The following COG8 variants were observed in gnomAD, a reference collection of about 807,000 sequenced individuals.
The protein encoded by COG8 is conserved oligomeric Golgi complex subunit 8.
COG8 carries 45 observed loss-of-function variants against 46.5 expected under a neutral mutation model. The observed-to-expected ratio is 0.97, with a 90% CI of 0.76 to 1.24. The LOEUF (loss-of-function observed/expected upper bound fraction) is 1.24, where lower values mean the gene tolerates loss of function less well. Among genes scored for constraint, COG8 ranks in the 50% most tolerant of loss-of-function variants. COG8 has a pLI of 0.00. For missense variants in COG8, 793 were observed against 820.8 expected (o/e 0.97, Z 0.41); for synonymous variants, 407 against 347.8 (o/e 1.17, Z -1.90).
chr16:69,333,255 C>T (rs1033133053), intron 3 of COG8, among the ~76,000 whole-genome samples: 2 of 148,962 alleles, frequency 1.3e-5, no homozygotes, highest in Non-Finnish European at 3.0e-5. Flanking sequence ...TAGCTTCAAA[C>T]TCCTGGGCTC....
At position 69,335,322 on chromosome 16, in the gene COG8, G is replaced by A. The variant is rs2012148266; in HGVS notation, c.612C>T (p.Ser204=). ...IQGIVNEVRQ[S]MQLMLSQLIQ... is the part of the protein sequence containing the mutation. Reference sequence around the variant, plus strand: ...TCAGCTGGCTCAGCATCAGCTGCATGGACTGGCGCACTTCGTTCACGATGC... The same window carrying A: ...TCAGCTGGCTCAGCATCAGCTGCATAGACTGGCGCACTTCGTTCACGATGC... Residue 204 remains serine (S), a synonymous_variant, in exon 3 of 6, where the codon TCC becomes TCT. Coordinates refer to ENST00000306875, the MANE Select transcript of COG8 (RefSeq NM_032382.5). 4.4e-6 allele frequency: 7 copies of A among 1,606,170 alleles called. No individual in the cohort carries two copies. The highest frequency in any genetic ancestry group is 5.9e-6 in the Non-Finnish European group (7 of 1,178,466).
chr16:69,338,166 T>A (rs1028545880), intron 1 of COG8: 4 of 152,082 alleles, frequency 2.6e-5, no homozygotes, highest in African/African-American at 9.7e-5. Context: ...AGCCTCAATC[T>A]CCCGGGCCCA....
chr16:69,329,065 C>T lies in COG8; in HGVS notation c.*141G>A, dbSNP rs577894071. 3 of 1,612,096 alleles carry T rather than the reference C, an allele frequency of 1.9e-6. No homozygotes were observed. Among genetic ancestry groups the T allele is most frequent in the Middle Eastern group, 1.7e-4 (1 of 6,060 alleles). ...CCAATAGACGTTTGTGAACGTCCTGCTGTCCATTTTGTCAATAAACAGGCA... is the reference window on the plus strand; with the variant it reads ...CCAATAGACGTTTGTGAACGTCCTGTTGTCCATTTTGTCAATAAACAGGCA... On this transcript the variant is annotated 3_prime_UTR_variant, in exon 6 of 6. Coordinates refer to ENST00000306875, the MANE Select transcript of COG8 (RefSeq NM_032382.5).
chr16:69,330,325 C>T (rs780481092), intron 5 of COG8: 3 of 1,449,246 alleles, frequency 2.1e-6, no homozygotes, highest in East Asian at 3.0e-5. Context: ...GCGCCCGCTC[C>T]ACCGGGGCCG....
intron 5 of COG8, chr16:69,330,501 C>A: frequency 6.8e-7 from 1 of 1,472,940 alleles, no homozygotes; most frequent in Non-Finnish European, 8.9e-7. Context: ...ACACCGACGG[C>A]TGCCGCCCCG....
chr16:69,339,032 G>A, intron 1 of COG8, 144 bp downstream of exon 1: 1 of 1,101,214 alleles, frequency 9.1e-7, no homozygotes, highest in South Asian at 1.3e-5. Flanking sequence ...TATCTCGAAG[G>A]CTGTTGTGAG....
At position 69,335,144 on chromosome 16, in the gene COG8, T is replaced by C. The variant is rs752608770; in HGVS notation, c.790A>G (p.Asn264Asp). The change falls in exon 3 of 6, where the codon AAT becomes GAT. Residue 264 changes from asparagine to aspartate, a missense_variant. Physicochemically the swap from Asn to Asp is conservative, Grantham distance 23 (BLOSUM62 1). Transcript: ENST00000306875. ...GTAATATGGAAATAGGGATCATCAT[T>C]AGGAATGGCAGTCAGGATGGACCGG... ...WLRSILTAIPNDDPYFHITKT... is the reference protein window; with the variant it reads ...WLRSILTAIPDDDPYFHITKT... The C allele has an allele frequency of 1.9e-6, 3 of 1,614,110 alleles. No individual in the cohort carries two copies. Among genetic ancestry groups the C allele is most frequent in the Admixed American group, 3.3e-5 (2 of 60,016 alleles).
At chr16:69,338,372 A>G (rs1307861568) in intron 1 of COG8, 3 of 152,262 alleles carry the variant, frequency 2.0e-5, no homozygotes, top group East Asian at 1.9e-4. Context: ...ATCCAAATGG[A>G]GAGACTTTTT....
At chr16:69,336,394 C>T (rs2012206524) in intron 2 of COG8, 111 bp downstream of exon 2, 2 of 977,356 alleles carry the variant, frequency 2.0e-6, no homozygotes, top group East Asian at 2.5e-5. Context: ...ACCTGGCTGG[C>T]AGAAACTGAT....
chr16:69,329,255 C>G (rs960296633), intron 5 of COG8, 76 bp from the exon 6 acceptor site: 16 of 1,417,390 alleles, frequency 1.1e-5, no homozygotes, highest in Admixed American at 3.0e-5. Context: ...CCCCTGCCCC[C>G]GGTCCTGGCT....
At position 69,334,758 on chromosome 16, in the gene COG8, T is replaced by C; in HGVS notation, c.1176A>G (p.Glu392=). The change falls in exon 3 of 6, where the codon GAA becomes GAG. Residue 392 remains glutamate (E), a synonymous_variant. Coordinates refer to ENST00000306875, the MANE Select transcript of COG8 (RefSeq NM_032382.5). ...AGATGAGCATGTAGGAGTTCATTTCTTCCTGGAATTTCTCCACTGTTTCCT... is the reference window on the plus strand; with the variant it reads ...AGATGAGCATGTAGGAGTTCATTTCCTCCTGGAATTTCTCCACTGTTTCCT... The part of the protein sequence containing the change: ...AIQETVEKFQ[E]EMNSYMLISA... 1 of 1,614,136 alleles carries C rather than the reference T, an allele frequency of 6.2e-7. No homozygotes were observed. Among genetic ancestry groups the C allele is most frequent in the Non-Finnish European group, 8.5e-7 (1 of 1,180,046 alleles).
At position 69,326,994 on chromosome 16, in the gene COG8, A is replaced by G. The variant is rs1341446380; in HGVS notation, c.*2212T>C. On this transcript the variant is annotated 3_prime_UTR_variant, in exon 6 of 6. Coordinates refer to ENST00000306875, the MANE Select transcript of COG8 (RefSeq NM_032382.5). ...AGAAAGCTATAAGAAGCATCAAAAG[A>G]TTGCCATAGCCCCCTGTAAGAGCTT... 3 of 152,116 alleles carry G rather than the reference A, an allele frequency of 2.0e-5. No individual in the cohort carries two copies. The highest frequency in any genetic ancestry group is 7.2e-5 in the African/African-American group (3 of 41,406). 9.4% of individuals were successfully genotyped at this position (152,116 alleles called of 1,614,324 possible).
At chr16:69,330,384 G>A in intron 5 of COG8, 1 of 1,479,494 alleles carries the variant, frequency 6.8e-7, no homozygotes, top group East Asian at 3.0e-5. Context: ...TGCGAGAACG[G>A]CGGTTCGGGA....
intron 5 of COG8, chr16:69,330,342 C>A: frequency 6.8e-7 from 1 of 1,461,352 alleles, no homozygotes; most frequent in African/African-American, 1.5e-5. Context: ...GCCGCCACGC[C>A]GCGCAGCACC....
chr16:69,334,813 A>G lies in COG8; in HGVS notation c.1121T>C (p.Val374Ala). The stretch of plus-strand genomic sequence containing the variant: ...TGCTTTCTGGAAAGTGCTGATGGCC[A>G]CCCGCTGGAAAACAGGAGCCAACTG... ...RGQLAPVFQR[V>A]AISTFQKAIQ... Residue 374 changes from valine to alanine, a missense_variant, in exon 3 of 6, where the codon GTG becomes GCG. Physicochemically the swap from Val to Ala is moderately conservative, Grantham distance 64. Transcript: ENST00000306875. 1.2e-6 allele frequency: 2 copies of G among 1,614,118 alleles called. No homozygotes were observed. Among genetic ancestry groups the G allele is most frequent in the Non-Finnish European group, 1.7e-6 (2 of 1,180,026 alleles).
At chr16:69,336,746 T>G in intron 1 of COG8, 34 bp from the exon 2 acceptor site, 1 of 1,579,694 alleles carries the variant, frequency 6.3e-7, no homozygotes, top group Non-Finnish European at 8.7e-7. Flanking sequence ...GATCCTTCAC[T>G]GCTCTGTACC....
intron 5 of COG8, 58 bp downstream of exon 5, chr16:69,330,754 GC>G: frequency 1.4e-6 from 2 of 1,452,594 alleles, no homozygotes; most frequent in Non-Finnish European, 1.8e-6. Flanking sequence ...TCCCGAACCC[GC>G]CCCGGACCTT....
intron 4 of COG8, among the ~76,000 whole-genome samples, chr16:69,331,979 A>AC (rs1171825803): frequency 1.3e-4 from 20 of 152,162 alleles, no homozygotes; most frequent in Non-Finnish European, 1.5e-5. Flanking sequence ...TGATGCACTG[A>AC]CCCATTGCCC....
intron 4 of COG8, 118 bp downstream of exon 4, chr16:69,332,596 A>C: frequency 9.8e-7 from 1 of 1,015,612 alleles, no homozygotes; most frequent in East Asian, 2.4e-5. Flanking sequence ...GAGTGATGGA[A>C]ATATTCTAAA....
Sources: allele counts gnomAD v4.1 joint callset (sites outside exome capture counted in the v4.1 genomes callset), GRCh38; gene constraint gnomAD v4.1.1; transcripts MANE v1.5; gene names NCBI Gene and HGNC (gene_info 2026-07-23, HGNC 2026-07-21).